The following LRRC49 variants were observed in gnomAD, a reference collection of about 807,000 sequenced individuals.
LRRC49 encodes leucine rich repeat containing 49, also known as leucine-rich repeat-containing protein 49.
LRRC49 carries 50 observed loss-of-function variants against 83.3 expected under a neutral mutation model. The observed-to-expected ratio is 0.60, with a 90% CI of 0.48 to 0.76. The LOEUF (loss-of-function observed/expected upper bound fraction) is 0.76, where lower values mean the gene tolerates loss of function less well. LRRC49 is among the 30% of genes least tolerant of loss of function. The pLI is 0.00. For synonymous variants in LRRC49, 286 were observed against 283.3 expected (o/e 1.01, Z -0.10); for missense variants, 704 against 809.1 (o/e 0.87, Z 1.58).
chr15:70,907,426 C>T (rs1290567738), intron 5 of LRRC49: 1 of 152,428 alleles, frequency 6.6e-6, no homozygotes, highest in African/African-American at 2.4e-5. Context: ...GAACTCCCGA[C>T]CCCACATTGC....
In LRRC49 at chr15:70,919,169, G is replaced by T. The variant is rs759269941; in HGVS notation, c.687G>T (p.Leu229Phe). ...NGLDSLTELN[L>F]RHNQITFVRD... ...TGGATTCACTAACTGAACTTAACTT[G>T]CGACACAATCAAATCACTTTCGTGG... Residue 229 changes from leucine (L) to phenylalanine (F), a missense_variant, in exon 7 of 16, where the codon TTG becomes TTT. By Grantham distance (22) the Leu-to-Phe change is conservative (BLOSUM62 0). Coordinates refer to ENST00000260382, the MANE Select transcript of LRRC49 (RefSeq NM_017691.5). 1.9e-6 allele frequency: 3 copies of T among 1,611,948 alleles called. No homozygotes were observed. The African/African-American group carries it at 4.0e-5, about 22-fold the overall frequency.
At chr15:70,860,199 C>T (rs368311827) in intron 1 of LRRC49, 28 of 633,412 alleles carry the variant, frequency 4.4e-5, no homozygotes, top group African/African-American at 2.7e-4. Flanking sequence ...ACCCCTCCTG[C>T]GGCTGCCCCA....
intron 8 of LRRC49, among the ~76,000 whole-genome samples, chr15:70,952,725 G>A (rs1432641079): frequency 2.6e-5 from 4 of 152,242 alleles, no homozygotes; most frequent in African/African-American, 9.6e-5. Flanking sequence ...TGCTATTAGT[G>A]GGGGTTGAAG....
At chr15:70,927,389 A>T (rs2035241267) in intron 7 of LRRC49, among the ~76,000 whole-genome samples, 1 of 152,006 alleles carries the variant, frequency 6.6e-6, no homozygotes, top group African/African-American at 2.4e-5. Context: ...TGTTTGATAT[A>T]TATATATTGA....
At chr15:70,958,687 C>G (rs2036487704) in intron 8 of LRRC49, among the ~76,000 whole-genome samples, 1 of 152,190 alleles carries the variant, frequency 6.6e-6, no homozygotes. Flanking sequence ...AATTTATAAA[C>G]TCACATCTTC....
chr15:70,986,226 G>A (rs554425218), intron 11 of LRRC49, among the ~76,000 whole-genome samples: 1,649 of 152,202 alleles, frequency 0.011, 31 homozygotes, highest in African/African-American at 0.037. Context: ...ACCTTGAGCA[G>A]TATGGCCATT....
At chr15:70,963,551 C>T (rs2036683434) in intron 8 of LRRC49, among the ~76,000 whole-genome samples, 1 of 152,062 alleles carries the variant, frequency 6.6e-6, no homozygotes, top group African/African-American at 2.4e-5. Flanking sequence ...GGATAAAATA[C>T]AGGCTTTAGC....
chr15:70,862,763 C>T (rs1175776866), intron 1 of LRRC49, among the ~76,000 whole-genome samples: 1 of 152,124 alleles, frequency 6.6e-6, no homozygotes, highest in Admixed American at 6.5e-5. Context: ...TTCCTCCCAA[C>T]AGGTCTGGAG....
chr15:70,927,578 C>G (rs542414846), intron 7 of LRRC49, among the ~76,000 whole-genome samples: 163 of 152,248 alleles, frequency 1.1e-3, no homozygotes, highest in African/African-American at 3.9e-3. Context: ...CTATGTTCAC[C>G]TACATTTTCC....
At chr15:70,869,028 CACATGAATATTCA>C (rs2032970673) in intron 1 of LRRC49, among the ~76,000 whole-genome samples, 1 of 152,110 alleles carries the variant, frequency 6.6e-6, no homozygotes, top group Non-Finnish European at 1.5e-5. Flanking sequence ...ACTTGGAAAT[CACATGAATATTCA>C]GTAGTTTATC....
intron 7 of LRRC49, among the ~76,000 whole-genome samples, chr15:70,925,088 G>A (rs1193240836): frequency 6.6e-6 from 1 of 151,940 alleles, no homozygotes; most frequent in Non-Finnish European, 1.5e-5. Flanking sequence ...CTGAAATCTA[G>A]GTATGTCTTA....
intron 5 of LRRC49, among the ~76,000 whole-genome samples, chr15:70,909,888 A>G (rs112223790): frequency 6.6e-5 from 10 of 150,976 alleles, no homozygotes; most frequent in African/African-American, 2.2e-4. Context: ...AAAACAAACA[A>G]AAAAAGAAAG....
intron 8 of LRRC49, among the ~76,000 whole-genome samples, chr15:70,959,782 A>C (rs1404221743): frequency 6.6e-6 from 1 of 152,196 alleles, no homozygotes; most frequent in Non-Finnish European, 1.5e-5. Context: ...GAATAGTGAC[A>C]CAATACTGAA....
intron 7 of LRRC49, among the ~76,000 whole-genome samples, chr15:70,936,298 C>G (rs2035595048): frequency 6.6e-6 from 1 of 152,092 alleles, no homozygotes; most frequent in African/African-American, 2.4e-5. Flanking sequence ...TGGTTTATTT[C>G]CAAGGTTTTG....
chr15:71,030,446 A>C (rs1383558890), intron 14 of LRRC49, among the ~76,000 whole-genome samples: 1 of 152,114 alleles, frequency 6.6e-6, no homozygotes, highest in African/African-American at 2.4e-5. Flanking sequence ...GCTGCCCTTA[A>C]CATTTTTTCC....
At chr15:70,921,104 A>G (rs539918315) in intron 7 of LRRC49, among the ~76,000 whole-genome samples, 115 of 152,308 alleles carry the variant, frequency 7.6e-4, no homozygotes, top group Non-Finnish European at 1.2e-3. Context: ...CTTTTTAACC[A>G]TAAGATCTCA....
chr15:70,894,664 A>G (rs1178333591), intron 2 of LRRC49: 5 of 1,269,156 alleles, frequency 3.9e-6, no homozygotes, highest in African/African-American at 1.5e-5. Flanking sequence ...AACCATCACA[A>G]TTCAGGTGTG....
chr15:70,988,702 T>C (rs1389136050), intron 11 of LRRC49, among the ~76,000 whole-genome samples: 1 of 152,018 alleles, frequency 6.6e-6, no homozygotes, highest in African/African-American at 2.4e-5. Context: ...GTTATTTTGC[T>C]CATTAGTTGA....
intron 2 of LRRC49, among the ~76,000 whole-genome samples, chr15:70,881,081 T>C (rs1595977665): frequency 1.3e-5 from 2 of 151,984 alleles, no homozygotes; most frequent in Admixed American, 6.6e-5. Flanking sequence ...AAAAACAAAT[T>C]AGCTGGGTAT....
Sources: gnomAD v4.1 joint callset for allele counts (sites outside exome capture counted in the v4.1 genomes callset) on GRCh38, gnomAD v4.1.1 for gene constraint, MANE v1.5 for transcripts, NCBI Gene and HGNC (gene_info 2026-07-23, HGNC 2026-07-21) for gene names.